Variants in SCFD2 observed in about 807,000 individuals in gnomAD.
The protein encoded by SCFD2 is sec1 family domain containing 2.
A neutral mutation model predicts 58.9 loss-of-function variants in SCFD2; 54 were observed. The observed-to-expected ratio is 0.92, with a 90% CI of 0.74 to 1.15. The LOEUF is 1.15. Ranked by LOEUF, SCFD2 falls within the 50% of genes most tolerant of loss-of-function variation. The pLI is 0.00. For missense variants in SCFD2, 805 were observed against 836.6 expected (o/e 0.96, Z 0.47); for synonymous variants, 321 against 335.9 (o/e 0.96, Z 0.49).
At chr4:53,218,178 G>A (rs1478624537) in intron 4 of SCFD2, among the ~76,000 whole-genome samples, 4 of 152,146 alleles carry the variant, frequency 2.6e-5, no homozygotes, top group Admixed American at 2.0e-4. Flanking sequence ...TCCGGAATTG[G>A]AATGTTGGCC....
intron 2 of SCFD2, 28 bp downstream of exon 2, chr4:53,352,570 A>G (rs774183056): frequency 6.4e-7 from 1 of 1,563,050 alleles, no homozygotes; most frequent in East Asian, 2.3e-5. Flanking sequence ...ACAGAGAAAG[A>G]TAAGATGACA....
chr4:52,897,551 T>C (rs1165498994), intron 7 of SCFD2, among the ~76,000 whole-genome samples: 3 of 152,184 alleles, frequency 2.0e-5, no homozygotes, highest in Admixed American at 6.5e-5. Context: ...TTGCTGGATT[T>C]GGTTTGCTAG....
At chr4:52,881,750 G>A (rs1718614838) in intron 8 of SCFD2, among the ~76,000 whole-genome samples, 3 of 152,210 alleles carry the variant, frequency 2.0e-5, no homozygotes, top group Admixed American at 2.0e-4. Context: ...ATAGGTTGGT[G>A]TGGTTTTTGT....
intron 7 of SCFD2, among the ~76,000 whole-genome samples, chr4:52,901,742 C>T (rs560977586): frequency 3.7e-4 from 57 of 152,276 alleles, no homozygotes; most frequent in Non-Finnish European, 7.4e-4. Flanking sequence ...AGATGAAAGG[C>T]TTCTCTGGAC....
intron 5 of SCFD2, among the ~76,000 whole-genome samples, chr4:53,009,366 CAAAGTTAAAT>C: frequency 6.6e-6 from 1 of 152,256 alleles, no homozygotes; most frequent in South Asian, 2.1e-4. Context: ...TTGAGAACCA[CAAAGTTAAAT>C]AAGTTTTCCT....
chr4:53,323,703 C>T (rs1006611390), intron 2 of SCFD2, among the ~76,000 whole-genome samples: 4 of 151,676 alleles, frequency 2.6e-5, no homozygotes, highest in Non-Finnish European at 5.9e-5. Flanking sequence ...TATAGTCAAC[C>T]TGTAAAAAAT....
At chr4:53,268,054 T>C (rs1169232066) in intron 4 of SCFD2, among the ~76,000 whole-genome samples, 2 of 152,002 alleles carry the variant, frequency 1.3e-5, no homozygotes, top group Non-Finnish European at 2.9e-5. Flanking sequence ...AGATTGTCCA[T>C]ACGGTAGGGC....
chr4:52,897,991 T>C (rs572198979), intron 7 of SCFD2, among the ~76,000 whole-genome samples: 101 of 152,264 alleles, frequency 6.6e-4, no homozygotes, highest in African/African-American at 2.3e-3. Context: ...TCTGTGGGAT[T>C]GGTGGTGATA....
In SCFD2 at chr4:53,324,234, T is replaced by C. The variant is rs1295377555; in HGVS notation, c.1008-10471A>G. 2.0e-5 allele frequency among the ~76,000 whole-genome samples: 3 copies of C among 151,862 alleles called. No homozygotes were observed. The East Asian group carries it at 5.8e-4, about 29-fold the overall frequency. ...AAGTTCAAGACCAGCCTGGGCAACCTAGCAAGACCCCATCTCTACAAAAAA... is the reference window on the plus strand; with the variant it reads ...AAGTTCAAGACCAGCCTGGGCAACCCAGCAAGACCCCATCTCTACAAAAAA... On this transcript the variant is annotated intron_variant, in intron 2 of 8. Transcript: ENST00000401642.
chr4:53,264,671 T>TGAGA (rs1253029252), intron 4 of SCFD2, among the ~76,000 whole-genome samples: 1 of 152,220 alleles, frequency 6.6e-6, no homozygotes, highest in Non-Finnish European at 1.5e-5. Flanking sequence ...CCATATGGCG[T>TGAGA]GAGAGCTAAT....
intron 6 of SCFD2, among the ~76,000 whole-genome samples, chr4:52,908,357 C>G (rs752089103): frequency 6.6e-6 from 1 of 152,182 alleles, no homozygotes; most frequent in African/African-American, 2.4e-5. Context: ...TTCCTTAGTT[C>G]TTGCTGCCAA....
intron 5 of SCFD2, among the ~76,000 whole-genome samples, chr4:52,937,049 G>C (rs1392047202): frequency 1.3e-5 from 2 of 152,228 alleles, no homozygotes; most frequent in Non-Finnish European, 2.9e-5. Flanking sequence ...TGATATTAGA[G>C]GTAAGTGCTT....
chr4:53,256,286 G>A (rs1171346021), intron 4 of SCFD2, among the ~76,000 whole-genome samples: 10 of 149,122 alleles, frequency 6.7e-5, no homozygotes, highest in Admixed American at 4.0e-4. Context: ...CATCCCAGAT[G>A]GGGCGGCGGG....
chr4:53,346,267 CT>C (rs1333991064), intron 2 of SCFD2, among the ~76,000 whole-genome samples: 1 of 135,464 alleles, frequency 7.4e-6, no homozygotes, highest in African/African-American at 2.6e-5. Flanking sequence ...GGCCTCAAAT[CT>C]TTTTTTTTCT....
intron 3 of SCFD2, among the ~76,000 whole-genome samples, chr4:53,305,628 CAT>C (rs1209953076): frequency 6.6e-6 from 1 of 152,078 alleles, no homozygotes; most frequent in Non-Finnish European, 1.5e-5. Flanking sequence ...CTTTTGTTAA[CAT>C]ATAATGGGTT....
rs115655115 is a variant in SCFD2, at chr4:53,322,947, C to A, written c.1008-9184G>T. Among the ~76,000 whole-genome samples the A allele has an allele frequency of 3.5e-3, 537 of 152,312 alleles. 3 individuals carry two copies. Among genetic ancestry groups the A allele is most frequent in the African/African-American group, 0.012 (519 of 41,568 alleles). On this transcript the variant is annotated intron_variant, in intron 2 of 8. Coordinates refer to ENST00000401642, the MANE Select transcript of SCFD2 (RefSeq NM_152540.4). ...AGAGTTAGTGACAGTTTTATAGAAG[C>A]TCTTAGAAGCAAATGTATCTGCCTG...
intron 5 of SCFD2, among the ~76,000 whole-genome samples, chr4:53,025,702 C>A (rs562626102): frequency 2.6e-5 from 4 of 152,116 alleles, no homozygotes; most frequent in African/African-American, 7.2e-5. Context: ...TCAATTGATG[C>A]GGGAAAAACT....
chr4:52,886,288 C>G (rs1268126939), intron 7 of SCFD2, among the ~76,000 whole-genome samples: 1 of 152,210 alleles, frequency 6.6e-6, no homozygotes, highest in Admixed American at 6.5e-5. Context: ...AAGCCCTGGA[C>G]TCAGTCACAC....
chr4:53,139,208 T>A (rs1207209880), intron 5 of SCFD2, among the ~76,000 whole-genome samples: 1 of 152,152 alleles, frequency 6.6e-6, no homozygotes, highest in African/African-American at 2.4e-5. Flanking sequence ...TGGTGTGATC[T>A]CAGCTGGCTA....
Sources: gnomAD v4.1 joint callset for allele counts (sites outside exome capture counted in the v4.1 genomes callset) on GRCh38, gnomAD v4.1.1 for gene constraint, MANE v1.5 for transcripts, NCBI Gene and HGNC (gene_info 2026-07-23, HGNC 2026-07-21) for gene names.